Variants in THSD7A observed in about 807,000 individuals in gnomAD.
THSD7A encodes the protein thrombospondin type 1 domain containing 7A.
In THSD7A, 96 loss-of-function variants were observed where a neutral mutation model predicts 231.3. The ratio of observed to expected loss-of-function variants is 0.41; its 90% CI spans 0.35 to 0.49. The LOEUF (loss-of-function observed/expected upper bound fraction) is 0.49. Among genes scored for constraint, THSD7A ranks in the 20% least tolerant of loss-of-function variants. The pLI, the probability that THSD7A is intolerant of heterozygous loss-of-function variation, is 0.05. For synonymous variants in THSD7A, 940 were observed against 743.3 expected, an observed-to-expected ratio of 1.26 and a Z score of -4.30; for missense variants, 2,290 against 2,070.2, an observed-to-expected ratio of 1.11 and a Z score of -2.06.
At chr7:11,650,666 A>T (rs901096708) in intron 1 of THSD7A, among the ~76,000 whole-genome samples, 6 of 152,046 alleles carry the variant, frequency 3.9e-5, no homozygotes, top group Non-Finnish European at 8.8e-5. Context: ...GGTAAGTGGC[A>T]GTCAGTTTGC....
At chr7:11,801,944 T>G (rs1243305926) in intron 1 of THSD7A, among the ~76,000 whole-genome samples, 1 of 152,206 alleles carries the variant, frequency 6.6e-6, no homozygotes, top group Non-Finnish European at 1.5e-5. Context: ...TTTACTATTA[T>G]TTTTTACAAT....
At chr7:11,580,765 G>A (rs543662028) in intron 4 of THSD7A, among the ~76,000 whole-genome samples, 1 of 152,096 alleles carries the variant, frequency 6.6e-6, no homozygotes, top group Admixed American at 6.5e-5. Context: ...AGAGGATCAG[G>A]AAAAATAACT....
chr7:11,387,133 G>C (rs927794169), intron 23 of THSD7A, among the ~76,000 whole-genome samples: 1 of 152,086 alleles, frequency 6.6e-6, no homozygotes, highest in African/African-American at 2.4e-5. Context: ...ATGGTTTGAA[G>C]TCAGGTAGCA....
intron 6 of THSD7A, among the ~76,000 whole-genome samples, chr7:11,521,136 T>A (rs1249928278): frequency 6.6e-6 from 1 of 152,146 alleles, no homozygotes; most frequent in Non-Finnish European, 1.5e-5. Flanking sequence ...TACACAGACA[T>A]TTCATATTTC....
At chr7:11,643,450 C>A (rs144171637) in intron 1 of THSD7A, among the ~76,000 whole-genome samples, 2 of 152,008 alleles carry the variant, frequency 1.3e-5, no homozygotes, top group African/African-American at 4.8e-5. Context: ...TCCTAGTCAT[C>A]GTATTTTGCT....
intron 4 of THSD7A, among the ~76,000 whole-genome samples, chr7:11,570,843 C>G (rs748214298): frequency 9.2e-5 from 14 of 152,084 alleles, no homozygotes; most frequent in Admixed American, 9.2e-4. Flanking sequence ...TGATGGGGGA[C>G]CAGTTGGCAT....
chr7:11,727,580 C>A (rs1170209048), intron 1 of THSD7A, among the ~76,000 whole-genome samples: 1 of 151,758 alleles, frequency 6.6e-6, no homozygotes, highest in African/African-American at 2.4e-5. Flanking sequence ...AAACTCTTAC[C>A]AACTTTGGAC....
intron 1 of THSD7A, among the ~76,000 whole-genome samples, chr7:11,734,308 T>C (rs375988958): frequency 6.6e-6 from 1 of 152,044 alleles, no homozygotes; most frequent in African/African-American, 2.4e-5. Flanking sequence ...CTCTAATCAT[T>C]GGAACAAAAA....
chr7:11,817,340 C>T (rs2128185951), intron 1 of THSD7A, among the ~76,000 whole-genome samples: 1 of 152,318 alleles, frequency 6.6e-6, no homozygotes, highest in Admixed American at 6.5e-5. Flanking sequence ...AGACTCCAAC[C>T]TCCAGCATTG....
chr7:11,442,143 C>A (rs917438044), intron 13 of THSD7A, among the ~76,000 whole-genome samples: 1 of 151,806 alleles, frequency 6.6e-6, no homozygotes, highest in Non-Finnish European at 1.5e-5. Flanking sequence ...TATTTAATAC[C>A]ATGCATCAGG....
chr7:11,440,135 C>G (rs559964428), intron 13 of THSD7A, among the ~76,000 whole-genome samples: 60 of 151,914 alleles, frequency 3.9e-4, no homozygotes, highest in Non-Finnish European at 8.0e-4. Context: ...TGCTTGTGCT[C>G]AATAATGAAA....
At chr7:11,542,436 C>G (rs545181679) in intron 5 of THSD7A, among the ~76,000 whole-genome samples, 42 of 152,296 alleles carry the variant, frequency 2.8e-4, no homozygotes, top group Non-Finnish European at 4.7e-4. Flanking sequence ...TATTCTATTC[C>G]TCTATCATTT....
At chr7:11,650,027 A>G (rs1006698529) in intron 1 of THSD7A, among the ~76,000 whole-genome samples, 6 of 152,080 alleles carry the variant, frequency 3.9e-5, no homozygotes, top group Non-Finnish European at 8.8e-5. Flanking sequence ...TATATTCGCT[A>G]TTAAAAGCAA....
At chr7:11,485,416 T>C (rs1786612893) in intron 6 of THSD7A, among the ~76,000 whole-genome samples, 1 of 152,214 alleles carries the variant, frequency 6.6e-6, no homozygotes, top group African/African-American at 2.4e-5. Flanking sequence ...TATCCATGGC[T>C]GAAAACATTT....
intron 6 of THSD7A, among the ~76,000 whole-genome samples, chr7:11,534,475 A>T (rs1583922689): frequency 6.6e-6 from 1 of 152,168 alleles, no homozygotes; most frequent in African/African-American, 2.4e-5. Flanking sequence ...GTACCAATGT[A>T]CCCCAGCTGA....
At chr7:11,383,609 C>G (rs1168276373) in intron 23 of THSD7A, among the ~76,000 whole-genome samples, 1 of 151,772 alleles carries the variant, frequency 6.6e-6, no homozygotes. Context: ...TTTATAATTG[C>G]CAGATTTTAA....
chr7:11,663,863 G>C (rs1030046628), intron 1 of THSD7A, among the ~76,000 whole-genome samples: 1 of 151,604 alleles, frequency 6.6e-6, no homozygotes, highest in Non-Finnish European at 1.5e-5. Context: ...TAACTGGAAT[G>C]ACATTTTGAA....
intron 14 of THSD7A, among the ~76,000 whole-genome samples, chr7:11,427,655 CATAT>C (rs889259870): frequency 1.6e-3 from 242 of 152,176 alleles, no homozygotes; most frequent in African/African-American, 5.6e-3. Context: ...GATTGGGAGT[CATAT>C]ATAATTTATT....
intron 4 of THSD7A, among the ~76,000 whole-genome samples, chr7:11,584,905 C>T (rs1394062673): frequency 6.6e-6 from 1 of 152,122 alleles, no homozygotes; most frequent in African/African-American, 2.4e-5. Flanking sequence ...CTTTGTGAAA[C>T]AGAATTTAAG....
Sources: gnomAD v4.1 joint callset for allele counts (sites outside exome capture counted in the v4.1 genomes callset) on GRCh38, gnomAD v4.1.1 for gene constraint, MANE v1.5 for transcripts, NCBI Gene and HGNC (gene_info 2026-07-23, HGNC 2026-07-21) for gene names.